Variants in AMZ2 observed in about 807,000 individuals in gnomAD.
AMZ2 encodes the protein archaelysin family metallopeptidase 2.
In AMZ2, 26 loss-of-function variants were observed where a neutral mutation model predicts 36.7. That is an observed-to-expected ratio of 0.71 (90% confidence interval 0.52 to 0.98). The LOEUF (loss-of-function observed/expected upper bound fraction) is 0.98. Among genes scored for constraint, AMZ2 ranks in the 50% least tolerant of loss-of-function variants. The pLI, the probability that AMZ2 is intolerant of heterozygous loss-of-function variation, is 0.00. For missense variants in AMZ2, 394 were observed against 430.5 expected, an observed-to-expected ratio of 0.92 and a Z score of 0.75; for synonymous variants, 144 against 149.1, an observed-to-expected ratio of 0.97 and a Z score of 0.25.
At position 68,254,473 on chromosome 17, in the gene AMZ2, A is replaced by G. The variant is rs2074742829; in HGVS notation, c.656A>G (p.Lys219Arg). ...FYSMHYKGKV[K>R]KLKKTSSSDY... ...AGCATGCACTATAAAGGCAAAGTGA[A>G]GAAGCTCAAGAAAACATCTTCAAGT... Residue 219 changes from lysine to arginine, a missense_variant, in exon 5 of 7, where the codon AAG becomes AGG. Lys to Arg is a conservative substitution (Grantham distance 26). Coordinates refer to ENST00000359904, the MANE Select transcript of AMZ2 (RefSeq NM_016627.5). The G allele has an allele frequency of 6.2e-7, 1 of 1,613,660 alleles. No individual in the cohort carries two copies. Among genetic ancestry groups the G allele is most frequent in the South Asian group, 1.1e-5 (1 of 91,060 alleles).
At chr17:68,217,762 T>C (rs782277959) in intron 1 of AMZ2, among the ~76,000 whole-genome samples, 8 of 152,090 alleles carry the variant, frequency 5.3e-5, no homozygotes, top group Non-Finnish European at 1.2e-4. Context: ...TAATAAGTGC[T>C]TAAAAATATG....
intron 1 of AMZ2, among the ~76,000 whole-genome samples, chr17:68,232,801 A>G (rs1401996031): frequency 2.6e-5 from 4 of 152,090 alleles, no homozygotes; most frequent in Non-Finnish European, 4.4e-5. Flanking sequence ...CTGAGATTGC[A>G]CCACTGCACT....
intron 1 of AMZ2, among the ~76,000 whole-genome samples, chr17:68,231,296 C>T (rs1408943076): frequency 6.6e-6 from 1 of 152,046 alleles, no homozygotes; most frequent in Non-Finnish European, 1.5e-5. Flanking sequence ...GTCTTGAATT[C>T]CTGGGCTTAC....
chr17:68,233,730 AT>A (rs35119985), intron 1 of AMZ2, among the ~76,000 whole-genome samples: 14,926 of 149,528 alleles, frequency 0.1, 841 homozygotes, highest in Non-Finnish European at 0.12. Context: ...ATTTTTATTT[AT>A]TTTTTTTTGG....
intron 1 of AMZ2, among the ~76,000 whole-genome samples, chr17:68,216,855 C>T (rs2073208352): frequency 6.6e-6 from 1 of 151,960 alleles, no homozygotes; most frequent in Non-Finnish European, 1.5e-5. Flanking sequence ...ATGGTGAAAT[C>T]CCATCTCTAC....
At chr17:68,254,324 G>A (rs2074724921) in intron 4 of AMZ2, 80 bp from the exon 5 acceptor site, 1 of 1,397,210 alleles carries the variant, frequency 7.2e-7, no homozygotes, top group Non-Finnish European at 9.8e-7. Context: ...CTGGCCAGAT[G>A]GGCCAGCAGT....
At chr17:68,236,464 TA>T (rs1555732557) in intron 1 of AMZ2, among the ~76,000 whole-genome samples, 1 of 151,192 alleles carries the variant, frequency 6.6e-6, no homozygotes, top group Non-Finnish European at 1.5e-5. Flanking sequence ...ATAAAGCTAG[TA>T]AATGCTCATT....
intron 1 of AMZ2, among the ~76,000 whole-genome samples, chr17:68,229,976 A>G (rs7209245): frequency 0.059 from 9,044 of 152,294 alleles, 470 homozygotes; most frequent in Admixed American, 0.13. Context: ...TCCCAGGACT[A>G]CAAATGTGGA....
At chr17:68,233,729 TA>T (rs2073723030) in intron 1 of AMZ2, among the ~76,000 whole-genome samples, 1 of 148,854 alleles carries the variant, frequency 6.7e-6, no homozygotes, top group Admixed American at 6.7e-5. Flanking sequence ...TATTTTTATT[TA>T]TTTTTTTTTG....
At chr17:68,219,739 G>A (rs1318613737) in intron 1 of AMZ2, among the ~76,000 whole-genome samples, 1 of 136,422 alleles carries the variant, frequency 7.3e-6, no homozygotes, top group African/African-American at 2.9e-5. Flanking sequence ...TCGCTATATT[G>A]CCCAGGCTGG....
At chr17:68,209,590 GTGTGTGTGTGTGTGTATA>G (rs2072958409) in intron 1 of AMZ2, among the ~76,000 whole-genome samples, 2 of 101,936 alleles carry the variant, frequency 2.0e-5, no homozygotes, top group African/African-American at 9.0e-5. Context: ...GGGTGTGTGT[GTGTGTGTGTGTGTGTATA>G]TGTATATATA....
At chr17:68,213,234 C>A (rs1456696604) in intron 1 of AMZ2, among the ~76,000 whole-genome samples, 1 of 152,166 alleles carries the variant, frequency 6.6e-6, no homozygotes, top group Non-Finnish European at 1.5e-5. Context: ...GCACGCTGAA[C>A]GCCATGAAAA....
At chr17:68,242,299 C>G (rs1329621628) in intron 1 of AMZ2, among the ~76,000 whole-genome samples, 2 of 151,932 alleles carry the variant, frequency 1.3e-5, no homozygotes, top group Admixed American at 6.6e-5. Context: ...ACATTACTGA[C>G]TTGTTAAATT....
intron 1 of AMZ2, 128 bp from the exon 2 acceptor site, chr17:68,250,060 C>G (rs2074329348): frequency 1.0e-6 from 1 of 994,152 alleles, no homozygotes; most frequent in Non-Finnish European, 1.4e-6. Flanking sequence ...CTAAGTGTGA[C>G]CACTCTAAAG....
Position 68,250,421 on chromosome 17 carries a change from C to T in AMZ2, c.234C>T (p.Tyr78=), listed in dbSNP as rs781806292. 1 of 1,614,206 alleles carries T rather than the reference C, an allele frequency of 6.2e-7. No individual in the cohort carries two copies. Among genetic ancestry groups the T allele is most frequent in the South Asian group, 1.1e-5 (1 of 91,084 alleles). The change falls in exon 2 of 7, where the codon TAC becomes TAT. Residue 78 remains tyrosine, a synonymous_variant. Transcript: ENST00000359904. ...TTGAACAGTTCTTCAGTGATCCTTA[C>T]AGAAAGACACCCTCTCCAAACAAAC... ...QDFEQFFSDP[Y]RKTPSPNKRS...
At chr17:68,254,683 AT>A (rs2144768765) in intron 5 of AMZ2, 116 bp downstream of exon 5, 1 of 974,528 alleles carries the variant, frequency 1.0e-6, no homozygotes, top group Admixed American at 3.1e-5. Flanking sequence ...CATTTGTATA[AT>A]TTTGGTGCAT....
intron 4 of AMZ2, among the ~76,000 whole-genome samples, chr17:68,253,328 A>G (rs782638852): frequency 1.3e-5 from 2 of 152,204 alleles, no homozygotes. Context: ...CAAATCTACT[A>G]TGGGTTTATT....
chr17:68,248,323 A>C lies in AMZ2; in HGVS notation c.-383A>C. On this transcript the variant is annotated 5_prime_UTR_variant, in exon 1 of 7. Transcript: ENST00000359904. ...CTCCTGGGGAAGAAGAGGCGAAGCG[A>C]GAGTCCCTGGGGAACCCCCACTCCA... The C allele has an allele frequency of 1.0e-6, 1 of 985,948 alleles. No homozygotes were observed. Among genetic ancestry groups the C allele is most frequent in the Non-Finnish European group, 1.2e-6 (1 of 830,096 alleles). The allele number at this position is 985,948 out of a possible 1,614,324, so 61.1% of individuals were successfully genotyped here.
upstream of AMZ2, chr17:68,247,091 T>C (rs1391474113): frequency 6.6e-6 from 1 of 150,522 alleles, no homozygotes; most frequent in East Asian, 1.9e-4. Flanking sequence ...TCCCAGCACT[T>C]TGGGAGGCCA....
Sources: allele counts gnomAD v4.1 joint callset (sites outside exome capture counted in the v4.1 genomes callset), GRCh38; gene constraint gnomAD v4.1.1; transcripts MANE v1.5; gene names NCBI Gene and HGNC (gene_info 2026-07-23, HGNC 2026-07-21).